Variants in RBFOX1 observed in about 807,000 individuals in gnomAD.
The protein encoded by RBFOX1 is RNA binding protein fox-1 homolog 1.
Under a neutral mutation model 57.7 loss-of-function variants are expected in RBFOX1, and 8 were observed. The observed-to-expected ratio is 0.14, with a 90% CI of 0.08 to 0.25. RBFOX1 has a LOEUF of 0.25. Ranked by LOEUF, RBFOX1 falls within the 10% of genes least tolerant of loss-of-function variation. The probability of loss-of-function intolerance (pLI) is 1.00; values close to 1 mark genes in which losing one functional copy is unlikely to be tolerated. For synonymous variants in RBFOX1, 326 were observed against 222.4 expected (o/e 1.47, Z -4.15); for missense variants, 611 against 548.5 (o/e 1.11, Z -1.14).
At chr16:5,739,783 A>G (rs1220201108) in intron 3 of RBFOX1, among the ~76,000 whole-genome samples, 2 of 152,250 alleles carry the variant, frequency 1.3e-5, no homozygotes. Flanking sequence ...CCACTGCCCC[A>G]CGTTGGGGCC....
At chr16:6,156,661 C>T (rs1042480796) in intron 1 of RBFOX1, among the ~76,000 whole-genome samples, 2 of 152,132 alleles carry the variant, frequency 1.3e-5, no homozygotes, top group Non-Finnish European at 2.9e-5. Context: ...GGACTTCCCT[C>T]CCCACTTCCC....
At chr16:6,843,676 G>T (rs1236404678) in intron 3 of RBFOX1, among the ~76,000 whole-genome samples, 1 of 152,156 alleles carries the variant, frequency 6.6e-6, no homozygotes, top group Non-Finnish European at 1.5e-5. Context: ...GTGACAGAGC[G>T]AGACTCCATC....
At chr16:6,013,796 T>C (rs1387541989) in intron 4 of RBFOX1, among the ~76,000 whole-genome samples, 1 of 152,170 alleles carries the variant, frequency 6.6e-6, no homozygotes, top group Non-Finnish European at 1.5e-5. Flanking sequence ...TCCAAGTCTT[T>C]GCTATTGTGA....
intron 3 of RBFOX1, among the ~76,000 whole-genome samples, chr16:6,988,105 C>T (rs377593623): frequency 4.6e-5 from 7 of 151,162 alleles, no homozygotes; most frequent in African/African-American, 1.7e-4. Context: ...AATGTGGATC[C>T]AGAGAGCACT....
intron 3 of RBFOX1, among the ~76,000 whole-genome samples, chr16:6,884,895 T>G (rs1472005059): frequency 7.9e-5 from 12 of 152,144 alleles, no homozygotes; most frequent in Non-Finnish European, 1.6e-4. Context: ...AAGGCTCTCT[T>G]TCAAACAAAC....
chr16:5,741,921 C>T (rs539203748), intron 3 of RBFOX1, among the ~76,000 whole-genome samples: 36 of 152,230 alleles, frequency 2.4e-4, no homozygotes, highest in Middle Eastern at 6.8e-3. Context: ...TATGGTAGTT[C>T]CAGTATGTAG....
intron 4 of RBFOX1, among the ~76,000 whole-genome samples, chr16:7,515,669 G>C (rs1349317483): frequency 6.6e-6 from 1 of 152,172 alleles, no homozygotes; most frequent in Non-Finnish European, 1.5e-5. Flanking sequence ...ACTGACTTGT[G>C]TAACTACAAC....
chr16:7,691,339 A>G (rs1310705722), intron 14 of RBFOX1, among the ~76,000 whole-genome samples: 3 of 151,760 alleles, frequency 2.0e-5, no homozygotes, highest in African/African-American at 7.3e-5. Flanking sequence ...GGGGTAAAAA[A>G]TAAAATAAAA....
chr16:7,705,114 C>G (rs967487398), intron 14 of RBFOX1, among the ~76,000 whole-genome samples: 8 of 150,418 alleles, frequency 5.3e-5, no homozygotes, highest in African/African-American at 2.0e-4. Flanking sequence ...AGGGAAGGGA[C>G]ATTTGATTTG....
intron 3 of RBFOX1, among the ~76,000 whole-genome samples, chr16:7,046,973 C>G (rs946100418): frequency 6.6e-5 from 10 of 151,918 alleles, no homozygotes; most frequent in Non-Finnish European, 1.2e-4. Flanking sequence ...TTCCCTCCCC[C>G]CCAGTTTTTT....
At chr16:7,212,977 G>C (rs963167199) in intron 4 of RBFOX1, among the ~76,000 whole-genome samples, 1 of 152,154 alleles carries the variant, frequency 6.6e-6, no homozygotes, top group Non-Finnish European at 1.5e-5. Context: ...TGGAACACTT[G>C]ACTTGATCCT....
chr16:6,488,452 C>G (rs2095554418), intron 2 of RBFOX1, among the ~76,000 whole-genome samples: 1 of 152,180 alleles, frequency 6.6e-6, no homozygotes, highest in African/African-American at 2.4e-5. Context: ...CTCTGTGCAT[C>G]AGACATTGGA....
chr16:5,733,841 C>G (rs192757302), intron 3 of RBFOX1, among the ~76,000 whole-genome samples: 39 of 152,042 alleles, frequency 2.6e-4, no homozygotes, highest in Admixed American at 2.6e-3. Context: ...ATGCTCTAGT[C>G]TTTCCCTGGG....
chr16:6,054,822 A>G (rs8044687), intron 1 of RBFOX1, among the ~76,000 whole-genome samples: 88,509 of 151,860 alleles, frequency 0.58, 26,681 homozygotes, highest in Non-Finnish European at 0.67. Context: ...TCACTCTGTT[A>G]CCTGGGCTGG....
chr16:7,484,928 C>G (rs7194387), intron 4 of RBFOX1, among the ~76,000 whole-genome samples: 11,927 of 152,160 alleles, frequency 0.078, 1,570 homozygotes, highest in African/African-American at 0.27. Flanking sequence ...GACATTTGTC[C>G]CAACCCATAT....
intron 2 of RBFOX1, among the ~76,000 whole-genome samples, chr16:6,518,795 C>A (rs2153796928): frequency 1.1e-5 from 1 of 92,412 alleles, no homozygotes; most frequent in African/African-American, 4.1e-5. Flanking sequence ...GTCTGTGTGT[C>A]TGTCTATCTA....
In RBFOX1 at chr16:5,809,549, T is replaced by C. The variant is rs1484672364; in HGVS notation, c.319-57754T>C. On this transcript the variant is annotated intron_variant, in intron 3 of 19. Transcript: ENST00000641259. ...GACACTTCTCAAAAGAAGACATTTA[T>C]GCAGCCAAAAAAACACATGAAAAAA... Among the ~76,000 whole-genome samples, 3 of 152,316 alleles carry C rather than the reference T, an allele frequency of 2.0e-5. No homozygotes were observed. The East Asian group carries it at 5.8e-4, about 29-fold the overall frequency.
chr16:7,503,109 A>G (rs375569053), intron 4 of RBFOX1, among the ~76,000 whole-genome samples: 1 of 152,088 alleles, frequency 6.6e-6, no homozygotes, highest in African/African-American at 2.4e-5. Context: ...TAGAATGTTT[A>G]TTTTTCTCTT....
intron 10 of RBFOX1, among the ~76,000 whole-genome samples, chr16:7,619,850 G>C (rs889158559): frequency 6.6e-6 from 1 of 152,096 alleles, no homozygotes; most frequent in Admixed American, 6.6e-5. Context: ...GTGCCAAATT[G>C]GAGGAGCTGT....
Sources: allele counts gnomAD v4.1 joint callset (sites outside exome capture counted in the v4.1 genomes callset), GRCh38; gene constraint gnomAD v4.1.1; transcripts MANE v1.5; gene names NCBI Gene and HGNC (gene_info 2026-07-23, HGNC 2026-07-21).